TGFB2: variants seen among roughly 807,000 people sequenced by gnomAD.
TGFB2 encodes the protein transforming growth factor beta-2 proprotein.
Under a neutral mutation model 42.7 loss-of-function variants are expected in TGFB2, and 13 were observed. The ratio of observed to expected loss-of-function variants is 0.30; its 90% confidence interval spans 0.20 to 0.48. The LOEUF is 0.48. Among genes scored for constraint, TGFB2 ranks in the 20% least tolerant of loss-of-function variants. The pLI, the probability that TGFB2 is intolerant of heterozygous loss-of-function variation, is 0.99. For missense variants in TGFB2, 390 were observed against 517.5 expected, an observed-to-expected ratio of 0.75 and a Z score of 2.39; for synonymous variants, 193 against 193.6, an observed-to-expected ratio of 1.00 and a Z score of 0.03.
intron 2 of TGFB2, among the ~76,000 whole-genome samples, chr1:218,428,023 A>G (rs1358619973): frequency 5.3e-5 from 8 of 152,244 alleles, no homozygotes; most frequent in Middle Eastern, 3.4e-3. Context: ...AATGACTGCC[A>G]TTCTAACTGG....
intron 6 of TGFB2, among the ~76,000 whole-genome samples, chr1:218,440,403 C>A (rs1293953923): frequency 6.6e-6 from 1 of 150,580 alleles, no homozygotes; most frequent in Non-Finnish European, 1.5e-5. Flanking sequence ...AGACACTTAA[C>A]GTAGAAAGAT....
chr1:218,382,939 C>G (rs1256181596), intron 1 of TGFB2, among the ~76,000 whole-genome samples: 1 of 152,154 alleles, frequency 6.6e-6, no homozygotes, highest in Non-Finnish European at 1.5e-5. Context: ...TGGTGTTTCT[C>G]TTTTGGCTAC....
chr1:218,441,117 C>A, intron 6 of TGFB2, 87 bp from the exon 7 acceptor site: 1 of 1,338,216 alleles, frequency 7.5e-7, no homozygotes, highest in Non-Finnish European at 1.0e-6. Context: ...GCTGTGACTG[C>A]TAACAATGTG....
At position 218,375,184 on chromosome 1, in the gene TGFB2, G is replaced by A. The variant is rs118095506; in HGVS notation, c.346+28137G>A. On this transcript the variant is annotated intron_variant, in intron 1 of 6. Coordinates refer to ENST00000366930, the MANE Select transcript of TGFB2 (RefSeq NM_003238.6). ...CTTTTGCTTTGTATAACAGACGGTG[G>A]TCCCTTCCTTTAAACTTTGTGAAGA... Among the ~76,000 whole-genome samples the A allele has an allele frequency of 5.7e-3, 869 of 152,096 alleles. 13 individuals are homozygous for A. The highest frequency in any genetic ancestry group is 0.048 in the East Asian group (247 of 5,148).
At chr1:218,419,935 T>A (rs2102611012) in intron 2 of TGFB2, among the ~76,000 whole-genome samples, 1 of 152,338 alleles carries the variant, frequency 6.6e-6, no homozygotes, top group East Asian at 1.9e-4. Flanking sequence ...AAGCTCTTTA[T>A]TTATTTATTT....
chr1:218,346,056 G>GCACACACACACACACA lies in TGFB2; in HGVS notation c.-636_-621dup, dbSNP rs151329324. Reference sequence around the variant, plus strand: ...GGGCTCGCCCCCAGCGCGCGCACACGCACACACACACACACACACACACAC... The same window carrying GCACACACACACACACA: ...GGGCTCGCCCCCAGCGCGCGCACACGCACACACACACACACACACACACACACACACACACACACAC... On this transcript the variant is annotated 5_prime_UTR_variant, in exon 1 of 7. Transcript: ENST00000366930. The surrounding 1 kb of genome is among the most constrained non-coding windows in gnomAD (Gnocchi z 4.9). Among the ~76,000 whole-genome samples the GCACACACACACACACA allele has an allele frequency of 1.3e-3, 187 of 145,676 alleles. 1 individual carries two copies. Among genetic ancestry groups the GCACACACACACACACA allele is most frequent in the African/African-American group, 4.3e-3 (170 of 39,704 alleles).
At chr1:218,425,762 G>A (rs951045258) in intron 2 of TGFB2, among the ~76,000 whole-genome samples, 4 of 152,164 alleles carry the variant, frequency 2.6e-5, no homozygotes, top group Admixed American at 6.5e-5. Flanking sequence ...GTGAGTTCAC[G>A]GTCATGAGAG....
At chr1:218,398,116 G>T (rs1210591708) in intron 1 of TGFB2, among the ~76,000 whole-genome samples, 4 of 152,190 alleles carry the variant, frequency 2.6e-5, no homozygotes, top group Non-Finnish European at 5.9e-5. Context: ...ACTAGGACTG[G>T]TTTCACCAGC....
At chr1:218,430,614 C>T (rs1659776607) in intron 2 of TGFB2, among the ~76,000 whole-genome samples, 1 of 152,142 alleles carries the variant, frequency 6.6e-6, no homozygotes, top group Non-Finnish European at 1.5e-5. Context: ...ATTTTCCATG[C>T]CTTCTTCTCT....
intron 1 of TGFB2, among the ~76,000 whole-genome samples, chr1:218,378,815 G>A (rs1657848064): frequency 6.6e-6 from 1 of 151,580 alleles, no homozygotes; most frequent in African/African-American, 2.4e-5. Flanking sequence ...GAAACAATAT[G>A]CATTGTGAGT....
chr1:218,373,223 G>A (rs1452953700), intron 1 of TGFB2, among the ~76,000 whole-genome samples: 2 of 152,088 alleles, frequency 1.3e-5, no homozygotes, highest in Non-Finnish European at 2.9e-5. Flanking sequence ...CTGGAGTTGA[G>A]AACCTGTATT....
chr1:218,378,539 TC>T (rs1657832987), intron 1 of TGFB2, among the ~76,000 whole-genome samples: 1 of 151,682 alleles, frequency 6.6e-6, no homozygotes. Context: ...GTCTCGAACT[TC>T]TGACCTCAAG....
intron 1 of TGFB2, among the ~76,000 whole-genome samples, chr1:218,397,232 C>G (rs145742171): frequency 4.0e-5 from 6 of 149,256 alleles, no homozygotes; most frequent in African/African-American, 1.5e-4. Context: ...TGCGCCATTA[C>G]ACTCCAGCCT....
At chr1:218,429,295 T>G (rs572492264) in intron 2 of TGFB2, among the ~76,000 whole-genome samples, 2 of 152,324 alleles carry the variant, frequency 1.3e-5, no homozygotes, top group Admixed American at 1.3e-4. Flanking sequence ...CTGCTTTTTA[T>G]CTCTATGAAT....
chr1:218,355,328 C>T (rs1358948590), intron 1 of TGFB2, among the ~76,000 whole-genome samples: 1 of 152,150 alleles, frequency 6.6e-6, no homozygotes, highest in Non-Finnish European at 1.5e-5. Flanking sequence ...AGCATGATGA[C>T]TTTGGAGCTG....
intron 1 of TGFB2, among the ~76,000 whole-genome samples, chr1:218,352,886 G>C (rs4846476): frequency 0.23 from 34,620 of 152,088 alleles, 4,058 homozygotes; most frequent in South Asian, 0.33. Context: ...TACTTAACCA[G>C]GCCTCAGTTT....
At chr1:218,358,426 T>A (rs2796825) in intron 1 of TGFB2, among the ~76,000 whole-genome samples, 133,421 of 152,276 alleles carry the variant, frequency 0.88, 58,692 homozygotes, top group African/African-American at 0.95. Flanking sequence ...TTGATTTTTT[T>A]AAAATATGAT....
intron 2 of TGFB2, among the ~76,000 whole-genome samples, chr1:218,430,728 T>C (rs1659779859): frequency 6.6e-6 from 1 of 152,244 alleles, no homozygotes; most frequent in Non-Finnish European, 1.5e-5. Context: ...GATTCAAGAC[T>C]TTACGATGTG....
In TGFB2 at chr1:218,441,555, A is replaced by C. The variant is rs1413240885; in HGVS notation, c.*193A>C. On this transcript the variant is annotated 3_prime_UTR_variant, in exon 7 of 7. Transcript: ENST00000366930. ...CTGTTTGTTAAAACTGGCATCTGAC[A>C]CAAAAAAAGTTGAAGGCCTTATTCT... 2.0e-6 allele frequency: 1 copy of C among 488,842 alleles called. No homozygotes were observed. The highest frequency in any genetic ancestry group is 4.0e-5 in the Admixed American group (1 of 24,742). 30.3% of individuals were successfully genotyped at this position (488,842 alleles called of 1,614,324 possible).
Sources: allele counts gnomAD v4.1 joint callset (sites outside exome capture counted in the v4.1 genomes callset), GRCh38; gene constraint gnomAD v4.1.1; non-coding constraint Gnocchi (gnomAD v3.1); transcripts MANE v1.5; gene names NCBI Gene and HGNC (gene_info 2026-07-23, HGNC 2026-07-21).